Variants in UACA observed in about 807,000 individuals in gnomAD.
UACA encodes uveal autoantigen with coiled-coil domains and ankyrin repeats.
UACA carries 112 observed loss-of-function variants against 160.5 expected under a neutral mutation model. That is an observed-to-expected ratio of 0.70 (90% confidence interval 0.60 to 0.82). The LOEUF (loss-of-function observed/expected upper bound fraction) is 0.82. Among genes scored for constraint, UACA ranks in the 40% least tolerant of loss-of-function variants. The pLI is 0.00. For missense variants in UACA, 1,574 were observed against 1,614.6 expected (o/e 0.97, Z 0.43); for synonymous variants, 557 against 568.4 (o/e 0.98, Z 0.29).
chr15:70,699,623 A>T lies in UACA; in HGVS notation c.116T>A (p.Met39Lys), dbSNP rs200107284. The change falls in exon 2 of 19, where the codon ATG (methionine) becomes AAG (lysine). Residue 39 changes from methionine (M) to lysine (K), a missense_variant. Coordinates refer to ENST00000322954, the MANE Select transcript of UACA (RefSeq NM_018003.4). ...TACATCCCCCCTTTCTGCTGCTTTC[A>T]TCAATCGGTCATCATATTTATTCCA... The part of the protein sequence containing the change: ...ADWNKYDDRL[M>K]KAAERGDVEK... The T allele has an allele frequency of 3.2e-4, 514 of 1,611,336 alleles. No individual in the cohort carries two copies. Among genetic ancestry groups the T allele is most frequent in the Non-Finnish European group, 4.3e-4 (507 of 1,179,356 alleles).
intron 1 of UACA, among the ~76,000 whole-genome samples, chr15:70,700,423 C>G (rs1898313677): frequency 6.7e-6 from 1 of 150,346 alleles, no homozygotes; most frequent in Non-Finnish European, 1.5e-5. Context: ...AAATGACAGA[C>G]TCTAAAGTAT....
intron 1 of UACA, among the ~76,000 whole-genome samples, chr15:70,725,061 T>C (rs1465173798): frequency 1.3e-5 from 2 of 151,742 alleles, no homozygotes; most frequent in Non-Finnish European, 2.9e-5. Flanking sequence ...TGCTGCACTC[T>C]AGCCTGGGCA....
chr15:70,674,990 C>T (rs1308263233), intron 13 of UACA, among the ~76,000 whole-genome samples: 2 of 152,286 alleles, frequency 1.3e-5, no homozygotes, highest in African/African-American at 4.8e-5. Flanking sequence ...TTGATTAATA[C>T]TTAAAAGGCC....
chr15:70,676,953 A>T (rs1157637432), intron 12 of UACA, among the ~76,000 whole-genome samples, 155 bp downstream of exon 12: 1 of 152,214 alleles, frequency 6.6e-6, no homozygotes. Flanking sequence ...CATTCAAAAC[A>T]TCCTTTTTTA....
chr15:70,762,093 C>A (rs991744604), intron 1 of UACA, among the ~76,000 whole-genome samples: 21 of 152,102 alleles, frequency 1.4e-4, no homozygotes, highest in African/African-American at 5.1e-4. Flanking sequence ...TTTCCATGAG[C>A]TTATAAAACG....
intron 1 of UACA, among the ~76,000 whole-genome samples, chr15:70,716,383 C>G (rs1230396139): frequency 6.6e-6 from 1 of 152,178 alleles, no homozygotes; most frequent in Non-Finnish European, 1.5e-5. Context: ...ACAGACCAGA[C>G]CAGCAGAACA....
In UACA at chr15:70,714,142, C is replaced by T. The variant is rs534791313; in HGVS notation, c.79-14482G>A. On this transcript the variant is annotated intron_variant, in intron 1 of 18. Transcript: ENST00000322954. ...TATCACAATTCAAAACAGCAGACAG[C>T]AAAGCTTACGAAGCATAAACATTCC... is the stretch of plus-strand genomic sequence containing the variant. Among the ~76,000 whole-genome samples the T allele has an allele frequency of 2.5e-3, 379 of 152,260 alleles. 2 individuals carry two copies. Among genetic ancestry groups the T allele is most frequent in the Non-Finnish European group, 3.4e-3 (233 of 67,998 alleles).
chr15:70,657,333 G>A lies in UACA; in HGVS notation c.4180-206C>T, dbSNP rs187140166. 1.6e-4 allele frequency among the ~76,000 whole-genome samples: 25 copies of A among 152,318 alleles called. No homozygotes were observed. In the East Asian group the frequency reaches 3.5e-3, roughly 21 times the overall value. ...ATCAATTAATAAGGAGTGCACGGCC[G>A]GGCGTGGTGGCTCACGCCTGCAATC... On this transcript the variant is annotated intron_variant, in intron 18 of 18. Coordinates refer to ENST00000322954, the MANE Select transcript of UACA (RefSeq NM_018003.4).
chr15:70,685,209 A>T (rs1394582797), intron 7 of UACA, among the ~76,000 whole-genome samples: 1 of 152,190 alleles, frequency 6.6e-6, no homozygotes, highest in Non-Finnish European at 1.5e-5. Flanking sequence ...ACTGGCACTC[A>T]AACATCTCAC....
At chr15:70,705,944 T>C (rs1898511184) in intron 1 of UACA, among the ~76,000 whole-genome samples, 1 of 152,186 alleles carries the variant, frequency 6.6e-6, no homozygotes, top group African/African-American at 2.4e-5. Flanking sequence ...ATCCCCATGT[T>C]TTAAAAATAC....
rs1291693905 is a variant in UACA, at chr15:70,763,321, G to C, written c.78+9C>G. 15 of 1,333,560 alleles carry C rather than the reference G, an allele frequency of 1.1e-5. No homozygotes were observed. Among genetic ancestry groups the C allele is most frequent in the Non-Finnish European group, 1.4e-5 (15 of 1,036,754 alleles). The allele number at this position is 1,333,560 out of a possible 1,614,324, so 82.6% of individuals were successfully genotyped here. The stretch of plus-strand genomic sequence containing the variant: ...CGGAGCGCCTCGCAGCCCGGACCGC[G>C]GGACTCACCGCGCTGGCGGCGGCGG... On this transcript the variant is annotated intron_variant, in intron 1 of 18. Transcript: ENST00000322954.
chr15:70,725,662 T>C (rs1204441894), intron 1 of UACA, among the ~76,000 whole-genome samples: 1 of 152,208 alleles, frequency 6.6e-6, no homozygotes, highest in East Asian at 1.9e-4. Context: ...AACTGTGATC[T>C]TATTAATAAT....
intron 1 of UACA, among the ~76,000 whole-genome samples, chr15:70,710,782 G>C (rs922387951): frequency 5.3e-5 from 8 of 152,166 alleles, no homozygotes; most frequent in African/African-American, 1.9e-4. Flanking sequence ...GGGCTTTTTT[G>C]CCCTCTCCTG....
chr15:70,719,791 G>A lies in UACA; in HGVS notation c.79-20131C>T, dbSNP rs975629572. Among the ~76,000 whole-genome samples, 5 of 152,088 alleles carry A rather than the reference G, an allele frequency of 3.3e-5. No individual in the cohort carries two copies. The East Asian group carries it at 9.6e-4, about 29-fold the overall frequency. The stretch of plus-strand genomic sequence containing the variant: ...TACAGAGTACCCACCCAAGAATCAT[G>A]GAAAACAACAAACTGGGTGAATAAT... On this transcript the variant is annotated intron_variant, in intron 1 of 18. Coordinates refer to ENST00000322954, the MANE Select transcript of UACA (RefSeq NM_018003.4).
intron 10 of UACA, among the ~76,000 whole-genome samples, chr15:70,679,130 TGGTG>T (rs1897390786): frequency 6.6e-6 from 1 of 152,056 alleles, no homozygotes; most frequent in South Asian, 2.1e-4. Flanking sequence ...CAGCCGGGTG[TGGTG>T]GCTCACGCTT....
At chr15:70,747,644 T>C (rs1899751879) in intron 1 of UACA, among the ~76,000 whole-genome samples, 1 of 152,174 alleles carries the variant, frequency 6.6e-6, no homozygotes, top group African/African-American at 2.4e-5. Context: ...ATTGGCCCCA[T>C]CTTATAAGAG....
At chr15:70,701,703 GAGAA>G (rs1043056001) in intron 1 of UACA, among the ~76,000 whole-genome samples, 10 of 152,296 alleles carry the variant, frequency 6.6e-5, no homozygotes, top group East Asian at 3.9e-4. Flanking sequence ...TTTAAACCCA[GAGAA>G]AGAAAGAACT....
At chr15:70,700,525 T>C (rs780658121) in intron 1 of UACA, among the ~76,000 whole-genome samples, 1 of 151,926 alleles carries the variant, frequency 6.6e-6, no homozygotes, top group Non-Finnish European at 1.5e-5. Flanking sequence ...ATAAAAAATG[T>C]TTTTTATTTT....
chr15:70,699,431 ATAAG>A (rs1182491472), intron 2 of UACA, 92 bp downstream of exon 2: 3 of 1,399,844 alleles, frequency 2.1e-6, no homozygotes, highest in East Asian at 2.3e-5. Context: ...GAATTTCTTA[ATAAG>A]TAAGTTGATA....
Sources: gnomAD v4.1 joint callset for allele counts (sites outside exome capture counted in the v4.1 genomes callset) on GRCh38, gnomAD v4.1.1 for gene constraint, MANE v1.5 for transcripts, NCBI Gene and HGNC (gene_info 2026-07-23, HGNC 2026-07-21) for gene names.